TCP11L2: variants seen among roughly 807,000 people sequenced by gnomAD.
The protein encoded by TCP11L2 is T-complex protein 11-like protein 2.
Under a neutral mutation model 50.7 loss-of-function variants are expected in TCP11L2, and 39 were observed. The observed-to-expected ratio is 0.77, with a 90% CI of 0.60 to 1.01. The LOEUF (loss-of-function observed/expected upper bound fraction) is 1.01. TCP11L2 is among the 50% of genes least tolerant of loss of function. The pLI, the probability that TCP11L2 is intolerant of heterozygous loss-of-function variation, is 0.00. For missense variants in TCP11L2, 612 were observed against 614.7 expected, an observed-to-expected ratio of 1.00 and a Z score of 0.05; for synonymous variants, 192 against 219.3, an observed-to-expected ratio of 0.88 and a Z score of 1.10.
At chr12:106,322,744 A>G (rs989380164) in intron 5 of TCP11L2, among the ~76,000 whole-genome samples, 1 of 152,210 alleles carries the variant, frequency 6.6e-6, no homozygotes, top group Non-Finnish European at 1.5e-5. Flanking sequence ...TTTACTTTGC[A>G]ATCTTGGGCA....
intron 6 of TCP11L2, chr12:106,330,378 C>G: frequency 1.1e-6 from 1 of 904,928 alleles, no homozygotes; most frequent in Non-Finnish European, 1.3e-6. Context: ...CCACTGCCCC[C>G]GCCCCACAAC....
intron 2 of TCP11L2, among the ~76,000 whole-genome samples, chr12:106,312,114 A>C (rs2034875605): frequency 6.6e-6 from 1 of 151,900 alleles, no homozygotes; most frequent in South Asian, 2.1e-4. Context: ...ATGTGTGTGG[A>C]CTCTTCTTGC....
chr12:106,312,249 T>C, intron 2 of TCP11L2: 1 of 412,146 alleles, frequency 2.4e-6, no homozygotes, highest in Non-Finnish European at 4.5e-6. Flanking sequence ...ACTGGACATT[T>C]AGTTTCCATT....
intron 6 of TCP11L2, chr12:106,329,969 C>T: frequency 1.0e-6 from 1 of 985,590 alleles, no homozygotes; most frequent in Middle Eastern, 5.2e-4. Context: ...TATCCCTGCT[C>T]AAGTGCTGGG....
intron 9 of TCP11L2, among the ~76,000 whole-genome samples, chr12:106,343,792 G>A (rs538762786): frequency 6.6e-6 from 1 of 151,740 alleles, no homozygotes; most frequent in South Asian, 2.1e-4. Context: ...TAGTAGCTGG[G>A]ACTACAGGTG....
intron 6 of TCP11L2, among the ~76,000 whole-genome samples, chr12:106,328,212 C>T (rs1045693769): frequency 6.6e-6 from 1 of 152,190 alleles, no homozygotes; most frequent in African/African-American, 2.4e-5. Flanking sequence ...CAAACTGATG[C>T]TCAGTGATGA....
chr12:106,315,261 A>G (rs1341268927), intron 3 of TCP11L2, among the ~76,000 whole-genome samples: 1 of 152,082 alleles, frequency 6.6e-6, no homozygotes, highest in Non-Finnish European at 1.5e-5. Context: ...CAAACAAACA[A>G]AAAAATTCCC....
intron 1 of TCP11L2, among the ~76,000 whole-genome samples, chr12:106,308,394 C>T (rs1204804143): frequency 6.6e-6 from 1 of 152,208 alleles, no homozygotes; most frequent in Non-Finnish European, 1.5e-5. Flanking sequence ...AATCTTTGCA[C>T]TTTTCTGCCT....
At chr12:106,317,514 T>G (rs945318150) in intron 3 of TCP11L2, among the ~76,000 whole-genome samples, 2 of 152,130 alleles carry the variant, frequency 1.3e-5, no homozygotes, top group African/African-American at 4.8e-5. Flanking sequence ...AGACTCTGTC[T>G]CAGAAAAAAA....
At chr12:106,305,069 G>A (rs2034573852) in intron 1 of TCP11L2, among the ~76,000 whole-genome samples, 1 of 152,152 alleles carries the variant, frequency 6.6e-6, no homozygotes, top group Non-Finnish European at 1.5e-5. Context: ...ATTTTCTCCA[G>A]CCAAACTGGA....
intron 1 of TCP11L2, among the ~76,000 whole-genome samples, chr12:106,308,123 G>A (rs1490211221): frequency 1.3e-5 from 2 of 152,210 alleles, no homozygotes; most frequent in African/African-American, 4.8e-5. Context: ...TGCAGCCCCT[G>A]TGCCAGGAAC....
chr12:106,341,022 C>A, intron 9 of TCP11L2, 24 bp downstream of exon 9: 22 of 1,577,600 alleles, frequency 1.4e-5, no homozygotes, highest in Non-Finnish European at 1.9e-5. Context: ...TTGATTTCTG[C>A]TTCAATTCCA....
chr12:106,312,563 C>T (rs551058805), intron 2 of TCP11L2: 2 of 368,102 alleles, frequency 5.4e-6, no homozygotes, highest in Admixed American at 6.3e-5. Flanking sequence ...CCTCCTCTTT[C>T]CCTGATCCTC....
chr12:106,332,799 A>G (rs1249802455), intron 6 of TCP11L2, among the ~76,000 whole-genome samples: 1 of 152,132 alleles, frequency 6.6e-6, no homozygotes, highest in Non-Finnish European at 1.5e-5. Context: ...TCTAACCCTA[A>G]TTACCTCCCA....
At chr12:106,310,134 G>A (rs377244369) in intron 1 of TCP11L2, among the ~76,000 whole-genome samples, 1 of 152,202 alleles carries the variant, frequency 6.6e-6, no homozygotes, top group African/African-American at 2.4e-5. Flanking sequence ...CTGCTTTCTG[G>A]GTAGTGTCCA....
chr12:106,305,650 C>G (rs12370430), intron 1 of TCP11L2, among the ~76,000 whole-genome samples: 49,924 of 152,086 alleles, frequency 0.33, 8,461 homozygotes, highest in Middle Eastern at 0.38. Context: ...AGCTCCTGCT[C>G]TAGCCCTAGC....
chr12:106,302,608 G>A (rs1003349616), upstream of TCP11L2, among the ~76,000 whole-genome samples: 5 of 151,706 alleles, frequency 3.3e-5, no homozygotes, highest in Non-Finnish European at 5.9e-5. Context: ...GCTGTTCTCG[G>A]CCTCTCTGGT....
chr12:106,322,205 C>T (rs1332308501), intron 5 of TCP11L2, among the ~76,000 whole-genome samples: 1 of 152,136 alleles, frequency 6.6e-6, no homozygotes. Flanking sequence ...ATCAGACAAC[C>T]CTCCACGTGT....
At chr12:106,346,142 T>G in intron 9 of TCP11L2, 144 bp from the exon 10 acceptor site, 1 of 829,210 alleles carries the variant, frequency 1.2e-6, no homozygotes, top group Non-Finnish European at 1.8e-6. Context: ...ACTGCAAAGC[T>G]ACCTTGGAAA....
Sources: gnomAD v4.1 joint callset for allele counts (sites outside exome capture counted in the v4.1 genomes callset) on GRCh38, gnomAD v4.1.1 for gene constraint, MANE v1.5 for transcripts, NCBI Gene and HGNC (gene_info 2026-07-23, HGNC 2026-07-21) for gene names.